The following RILPL1 variants were observed in gnomAD, a reference collection of about 807,000 sequenced individuals.
RILPL1 encodes the protein Rab interacting lysosomal protein like 1.
In RILPL1, 33 loss-of-function variants were observed where a neutral mutation model predicts 50.3. That is an observed-to-expected ratio of 0.66 (90% CI 0.50 to 0.88). RILPL1 has a LOEUF of 0.88. Among genes scored for constraint, RILPL1 ranks in the 40% least tolerant of loss-of-function variants. RILPL1 has a pLI of 0.00. For synonymous variants in RILPL1, 205 were observed against 228.6 expected (o/e 0.90, Z 0.93); for missense variants, 418 against 542.5 (o/e 0.77, Z 2.28).
chr12:123,476,844 G>A (rs1042162963), intron 6 of RILPL1, among the ~76,000 whole-genome samples: 1 of 152,248 alleles, frequency 6.6e-6, no homozygotes, highest in African/African-American at 2.4e-5. Context: ...GACAGCCAAC[G>A]AGGGATGACA....
chr12:123,483,967 G>A (rs1349398715), intron 6 of RILPL1, among the ~76,000 whole-genome samples: 2 of 152,016 alleles, frequency 1.3e-5, no homozygotes, highest in East Asian at 1.9e-4. Context: ...CTCGCCTCCC[G>A]CACTCCCCAA....
intron 1 of RILPL1, among the ~76,000 whole-genome samples, chr12:123,530,074 T>C (rs1885394877): frequency 6.6e-6 from 1 of 152,102 alleles, no homozygotes; most frequent in African/African-American, 2.4e-5. Context: ...GAATATCAAA[T>C]GATAAGTTTT....
rs1885536482 is a variant in RILPL1, at chr12:123,533,672, CG to C, written c.-191del. On this transcript the variant is annotated 5_prime_UTR_variant, in exon 1 of 7. Transcript: ENST00000376874. The surrounding 1 kb of genome is among the most constrained non-coding windows in gnomAD (Gnocchi z 6.2). Reference sequence around the variant, plus strand: ...GGCACGGGCGGCGGCGCGGGGTGTGCGGGCCCGGGGTCTGGGCGCCCGGCTC... The same window carrying C: ...GGCACGGGCGGCGGCGCGGGGTGTGCGGCCCGGGGTCTGGGCGCCCGGCTC... 5.6e-6 allele frequency: 1 copy of C among 179,578 alleles called. No individual in the cohort carries two copies. Among genetic ancestry groups the C allele is most frequent in the South Asian group, 1.6e-4 (1 of 6,170 alleles). The allele number at this position is 179,578 out of a possible 1,614,324, so 11.1% of individuals were successfully genotyped here. A position where few individuals can be genotyped will look rare whatever the true frequency, so the allele number is the denominator to read the frequency against.
At chr12:123,477,337 C>CTTTTTTTTTTT (rs371346379) in intron 6 of RILPL1, among the ~76,000 whole-genome samples, 4 of 105,366 alleles carry the variant, frequency 3.8e-5, no homozygotes, top group Admixed American at 1.0e-4. Flanking sequence ...TTCTTTCTTT[C>CTTTTTTTTTTT]TTTTTTTTTT....
chr12:123,499,962 C>A (rs959208896), intron 2 of RILPL1, among the ~76,000 whole-genome samples: 8 of 150,786 alleles, frequency 5.3e-5, no homozygotes, highest in African/African-American at 1.7e-4. Flanking sequence ...GACGGAGTCT[C>A]GCTCTGTCGC....
Position 123,489,570 on chromosome 12 carries a change from A to C in RILPL1, c.802-3765T>G, listed in dbSNP as rs1033110663. Among the ~76,000 whole-genome samples, 16 of 152,108 alleles carry C rather than the reference A, an allele frequency of 1.1e-4. No individual in the cohort carries two copies. Among genetic ancestry groups the C allele is most frequent in the African/African-American group, 3.4e-4 (14 of 41,426 alleles). The stretch of plus-strand genomic sequence containing the variant: ...TCCCAGCTGCTCGGGAGGCTGAGGC[A>C]GGAGAATTGCTTGAACCCAGGAGAT... On this transcript the variant is annotated intron_variant, in intron 4 of 6. Coordinates refer to ENST00000376874, the MANE Select transcript of RILPL1 (RefSeq NM_178314.5). This position sits in a 1 kb window ranked among gnomAD's most constrained non-coding sequence, Gnocchi z 4.0.
chr12:123,523,998 C>A (rs1430432591), intron 1 of RILPL1, among the ~76,000 whole-genome samples: 1 of 152,248 alleles, frequency 6.6e-6, no homozygotes, highest in Non-Finnish European at 1.5e-5. Context: ...GGCACACCCC[C>A]TGATCTCTGG....
At chr12:123,472,872 T>G in intron 6 of RILPL1, 190 bp from the exon 7 acceptor site, 1 of 601,160 alleles carries the variant, frequency 1.7e-6, no homozygotes, top group Non-Finnish European at 2.9e-6. Flanking sequence ...GCGTGTCATT[T>G]GGACACGGTA....
At chr12:123,526,081 G>A (rs1001582699) in intron 1 of RILPL1, among the ~76,000 whole-genome samples, 7 of 152,072 alleles carry the variant, frequency 4.6e-5, no homozygotes, top group Admixed American at 1.3e-4. Flanking sequence ...CAAGGCAGGC[G>A]GATCACTTGA....
chr12:123,484,386 C>T (rs1037922275), intron 5 of RILPL1, 114 bp from the exon 6 acceptor site: 16 of 745,880 alleles, frequency 2.1e-5, no homozygotes, highest in African/African-American at 1.2e-4. Flanking sequence ...TTAGGGGACC[C>T]GCATCTGTAT....
chr12:123,482,612 C>G (rs953804792), intron 6 of RILPL1, among the ~76,000 whole-genome samples: 1 of 150,252 alleles, frequency 6.7e-6, no homozygotes, highest in African/African-American at 2.5e-5. Flanking sequence ...TTATCCCTCT[C>G]TCTCTCTCTT....
chr12:123,491,132 C>T lies in RILPL1; in HGVS notation c.802-5327G>A, dbSNP rs1309570565. Among the ~76,000 whole-genome samples, 1 of 152,222 alleles carries T rather than the reference C, an allele frequency of 6.6e-6. No individual in the cohort carries two copies. Among genetic ancestry groups the T allele is most frequent in the African/African-American group, 2.4e-5 (1 of 41,456 alleles). ...TTCTCGAGAGGCCACCAGGCAGTGA[C>T]CGCAGGGCCACGGGCAGCCCAGGAC... On this transcript the variant is annotated intron_variant, in intron 4 of 6. Transcript: ENST00000376874. The surrounding 1 kb of genome is among the most constrained non-coding windows in gnomAD (Gnocchi z 4.0).
intron 2 of RILPL1, among the ~76,000 whole-genome samples, chr12:123,521,564 A>AAT (rs556964655): frequency 1.2e-3 from 56 of 47,026 alleles, no homozygotes; most frequent in African/African-American, 4.0e-3. Flanking sequence ...TATATATATT[A>AAT]ATATATATAC....
intron 6 of RILPL1, among the ~76,000 whole-genome samples, chr12:123,477,663 G>T (rs1881687841): frequency 1.3e-5 from 2 of 152,054 alleles, no homozygotes; most frequent in Non-Finnish European, 2.9e-5. Flanking sequence ...CTCCTGGATG[G>T]TTTCTCACAA....
Position 123,521,708 on chromosome 12 carries a change from T to A in RILPL1, c.460+1787A>T, listed in dbSNP as rs867542994. On this transcript the variant is annotated intron_variant, in intron 2 of 6. Transcript: ENST00000376874. ...ATACACACATATATGTATATATATA[T>A]AAATATATATATACACACATATATG... Among the ~76,000 whole-genome samples, 103 of 93,812 alleles carry A rather than the reference T, an allele frequency of 1.1e-3. 2 individuals carry two copies. The highest frequency in any genetic ancestry group is 2.8e-3 in the African/African-American group (67 of 23,966). The allele number at this position is 93,812 out of a possible 152,430, so 61.5% of individuals were successfully genotyped here.
intron 2 of RILPL1, among the ~76,000 whole-genome samples, chr12:123,515,730 G>A (rs1315275469): frequency 6.6e-6 from 1 of 150,878 alleles, no homozygotes; most frequent in Non-Finnish European, 1.5e-5. Context: ...GATTACAGGT[G>A]TGAGCCACCG....
rs1881235047 is a variant in RILPL1 at position 123,472,217 on chromosome 12, G to A, written c.*321C>T. 2 of 284,982 alleles carry A rather than the reference G, an allele frequency of 7.0e-6. No homozygotes were observed. Among genetic ancestry groups the A allele is most frequent in the Non-Finnish European group, 1.3e-5 (2 of 150,468 alleles). The allele number at this position is 284,982 out of a possible 1,614,324, so 17.7% of individuals were successfully genotyped here. A position where few individuals can be genotyped will look rare whatever the true frequency, so the allele number is the denominator to read the frequency against. On this transcript the variant is annotated 3_prime_UTR_variant, in exon 7 of 7. Transcript: ENST00000376874. ...AACAGCAATGATAGTGGCAAGTGAT[G>A]TATTTGGCTTAAAGAAGCTTGTGTT...
rs986560270 is a variant in RILPL1 at position 123,523,122 on chromosome 12, G to A, written c.460+373C>T. Among the ~76,000 whole-genome samples the A allele has an allele frequency of 4.6e-5, 7 of 151,952 alleles. No individual in the cohort carries two copies. In the East Asian group the frequency reaches 7.7e-4, roughly 17 times the overall value. On this transcript the variant is annotated intron_variant, in intron 2 of 6. Coordinates refer to ENST00000376874, the MANE Select transcript of RILPL1 (RefSeq NM_178314.5). The stretch of plus-strand genomic sequence containing the variant: ...ACTGCCGCTCTCCCAGAGCACGGCC[G>A]CCCCCTGGAACTATGGTGTCTGTGT...
intron 1 of RILPL1, among the ~76,000 whole-genome samples, 183 bp from the exon 2 acceptor site, chr12:123,523,828 T>G (rs1469828097): frequency 6.6e-6 from 1 of 152,270 alleles, no homozygotes; most frequent in Non-Finnish European, 1.5e-5. Flanking sequence ...GAAGCCACCC[T>G]TCTTTGGGGC....
Sources: allele counts gnomAD v4.1 joint callset (sites outside exome capture counted in the v4.1 genomes callset), GRCh38; gene constraint gnomAD v4.1.1; non-coding constraint Gnocchi (gnomAD v3.1); transcripts MANE v1.5; gene names NCBI Gene and HGNC (gene_info 2026-07-23, HGNC 2026-07-21).